CPE: variants seen among roughly 807,000 people sequenced by gnomAD.
CPE encodes the protein carbocypeptidase E.
In CPE, 17 loss-of-function variants were observed where a neutral mutation model predicts 53.5. The ratio of observed to expected loss-of-function variants is 0.32; its 90% confidence interval spans 0.22 to 0.48. The LOEUF is 0.48. Ranked by LOEUF, CPE falls within the 20% of genes least tolerant of loss-of-function variation. CPE has a pLI of 0.99. For missense variants in CPE, 524 were observed against 614.7 expected (o/e 0.85, Z 1.56); for synonymous variants, 226 against 228.8 (o/e 0.99, Z 0.11).
intron 6 of CPE, among the ~76,000 whole-genome samples, chr4:165,488,296 C>G (rs1054353705): frequency 6.6e-6 from 1 of 152,136 alleles, no homozygotes; most frequent in Non-Finnish European, 1.5e-5. Flanking sequence ...CTGTCTATTT[C>G]CAGAATCACC....
At chr4:165,449,732 C>A (rs567594325) in intron 1 of CPE, among the ~76,000 whole-genome samples, 1 of 151,770 alleles carries the variant, frequency 6.6e-6, no homozygotes, top group Non-Finnish European at 1.5e-5. Flanking sequence ...ATTATCTTCC[C>A]AGAAGAGAAA....
rs191033457 is a variant in CPE at position 165,484,762 on chromosome 4, C to T, written c.973+158C>T. Among the ~76,000 whole-genome samples, 1,331 of 152,142 alleles carry T rather than the reference C, an allele frequency of 8.7e-3. 17 individuals carry two copies. The highest frequency in any genetic ancestry group is 0.03 in the African/African-American group (1,225 of 41,498). On this transcript the variant is annotated intron_variant, in intron 5 of 8. Transcript: ENST00000402744. The stretch of plus-strand genomic sequence containing the variant: ...TTCTTCCATTAAAGTCAACTTTTTG[C>T]GTGAATGATTACTATGTATAATTTT...
chr4:165,484,457 G>A lies in CPE; in HGVS notation c.826G>A (p.Ala276Thr), dbSNP rs746645558. Residue 276 changes from alanine (A) to threonine (T), a missense_variant, in exon 5 of 9, where the codon GCC becomes ACC. Transcript: ENST00000402744. ...AHEYSSSPDD[A>T]IFQSLARAYS... Reference sequence around the variant, plus strand: ...CGAATACAGCTCCTCCCCAGATGACGCCATTTTCCAAAGCTTGGCCCGGGC... The same window carrying A: ...CGAATACAGCTCCTCCCCAGATGACACCATTTTCCAAAGCTTGGCCCGGGC... The A allele has an allele frequency of 1.2e-5, 20 of 1,613,800 alleles. No homozygotes were observed. Among genetic ancestry groups the A allele is most frequent in the South Asian group, 9.9e-5 (9 of 91,076 alleles).
intron 3 of CPE, among the ~76,000 whole-genome samples, chr4:165,469,274 C>T (rs542586302): frequency 6.6e-6 from 1 of 152,270 alleles, no homozygotes; most frequent in South Asian, 2.1e-4. Flanking sequence ...TCTATTCCTT[C>T]TCTATTGTTC....
intron 1 of CPE, among the ~76,000 whole-genome samples, chr4:165,400,065 G>T (rs1579243761): frequency 6.6e-6 from 1 of 152,300 alleles, no homozygotes; most frequent in East Asian, 1.9e-4. Flanking sequence ...CTAGACTGAG[G>T]ATTTAGACTT....
At chr4:165,447,390 G>T (rs868355670) in intron 1 of CPE, among the ~76,000 whole-genome samples, 3 of 152,014 alleles carry the variant, frequency 2.0e-5, no homozygotes, top group Non-Finnish European at 4.4e-5. Flanking sequence ...GGCCAACATG[G>T]CGAAACCCCG....
chr4:165,460,913 G>C (rs1731987047), intron 1 of CPE, among the ~76,000 whole-genome samples: 1 of 151,884 alleles, frequency 6.6e-6, no homozygotes, highest in Non-Finnish European at 1.5e-5. Flanking sequence ...TGACAGAGGA[G>C]TTAATCAAAT....
At chr4:165,439,532 A>C (rs191048029) in intron 1 of CPE, among the ~76,000 whole-genome samples, 35 of 147,712 alleles carry the variant, frequency 2.4e-4, no homozygotes, top group African/African-American at 8.7e-4. Flanking sequence ...AAAAGGAACA[A>C]TGTGTTGTGG....
chr4:165,440,195 C>T (rs1333361322), intron 1 of CPE, among the ~76,000 whole-genome samples: 2 of 152,146 alleles, frequency 1.3e-5, no homozygotes, highest in Non-Finnish European at 2.9e-5. Context: ...AGGCTTTAAC[C>T]AGAAAAACTC....
intron 1 of CPE, among the ~76,000 whole-genome samples, chr4:165,412,789 G>T (rs1287237003): frequency 1.3e-5 from 2 of 152,196 alleles, no homozygotes; most frequent in African/African-American, 4.8e-5. Flanking sequence ...TGTATGCTGG[G>T]AAGAAGTTCT....
intron 1 of CPE, among the ~76,000 whole-genome samples, chr4:165,418,778 A>G (rs572970824): frequency 6.6e-6 from 1 of 152,168 alleles, no homozygotes; most frequent in South Asian, 2.1e-4. Flanking sequence ...ATTTTTTTCC[A>G]TTAGAGAGTT....
chr4:165,438,859 G>A (rs543779703), intron 1 of CPE, among the ~76,000 whole-genome samples: 27 of 152,226 alleles, frequency 1.8e-4, no homozygotes, highest in Admixed American at 6.5e-4. Context: ...GAGTGCTTGC[G>A]CAAAGGATGT....
chr4:165,392,797 A>G (rs1178424070), intron 1 of CPE, among the ~76,000 whole-genome samples: 2 of 148,558 alleles, frequency 1.3e-5, no homozygotes, highest in Admixed American at 6.8e-5. Flanking sequence ...TAAAATGAAC[A>G]TTTTCTCTAG....
rs192986384 is a variant in CPE, at chr4:165,395,269, T to C, written c.307+15741T>C. ...GGGGTAAAATTTATTTTTATTATAA[T>C]ATTATTTGTGGTGAAAGTATTAAGT... is the stretch of plus-strand genomic sequence containing the variant. On this transcript the variant is annotated intron_variant, in intron 1 of 8. Coordinates refer to ENST00000402744, the MANE Select transcript of CPE (RefSeq NM_001873.4). 6.7e-4 allele frequency among the ~76,000 whole-genome samples: 102 copies of C among 152,316 alleles called. 1 individual carries two copies. Among genetic ancestry groups the C allele is most frequent in the Middle Eastern group, 3.4e-3 (1 of 294 alleles).
chr4:165,398,364 A>T (rs1052370942), intron 1 of CPE, among the ~76,000 whole-genome samples: 1 of 152,028 alleles, frequency 6.6e-6, no homozygotes, highest in Non-Finnish European at 1.5e-5. Flanking sequence ...ACATGCATAC[A>T]CATATACACA....
chr4:165,469,115 C>T (rs1242726785), intron 3 of CPE, among the ~76,000 whole-genome samples: 1 of 152,138 alleles, frequency 6.6e-6, no homozygotes, highest in African/African-American at 2.4e-5. Flanking sequence ...TTTTTTGGTA[C>T]TCTCTGTTAT....
At chr4:165,474,040 G>T (rs1392967745) in intron 3 of CPE, among the ~76,000 whole-genome samples, 1 of 152,240 alleles carries the variant, frequency 6.6e-6, no homozygotes, top group Non-Finnish European at 1.5e-5. Flanking sequence ...TCCCATTGGG[G>T]CAGTTTGCCT....
intron 1 of CPE, among the ~76,000 whole-genome samples, chr4:165,459,706 A>C (rs1731965827): frequency 9.8e-6 from 1 of 101,758 alleles, no homozygotes; most frequent in African/African-American, 4.6e-5. Flanking sequence ...TGAGGTCAGG[A>C]GGAGTTCGAG....
intron 1 of CPE, chr4:165,386,228 C>T (rs554431765): frequency 1.9e-6 from 1 of 522,376 alleles, no homozygotes; most frequent in East Asian, 5.6e-5. Flanking sequence ...TGGTATTTCC[C>T]ACTGTTGGTC....
Sources: allele counts gnomAD v4.1 joint callset (sites outside exome capture counted in the v4.1 genomes callset), GRCh38; gene constraint gnomAD v4.1.1; transcripts MANE v1.5; gene names NCBI Gene and HGNC (gene_info 2026-07-23, HGNC 2026-07-21).